Variants in TTBK2 observed in about 807,000 individuals in gnomAD.
TTBK2 encodes the protein tau-tubulin kinase 2.
A neutral mutation model predicts 110.8 loss-of-function variants in TTBK2; 28 were observed. The ratio of observed to expected loss-of-function variants is 0.25; its 90% confidence interval spans 0.19 to 0.35. The LOEUF is 0.35. Among genes scored for constraint, TTBK2 ranks in the 10% least tolerant of loss-of-function variants. The pLI, the probability that TTBK2 is intolerant of heterozygous loss-of-function variation, is 1.00. For synonymous variants in TTBK2, 532 were observed against 527.3 expected (o/e 1.01, Z -0.12); for missense variants, 1,369 against 1,500.3 (o/e 0.91, Z 1.45).
chr15:42,853,144 C>T (rs920398824), intron 3 of TTBK2, among the ~76,000 whole-genome samples: 6 of 152,170 alleles, frequency 3.9e-5, no homozygotes, highest in African/African-American at 1.4e-4. Context: ...AGAACAGGTG[C>T]AGTTCCTCTC....
chr15:42,759,280 G>A (rs1442875099), intron 13 of TTBK2, among the ~76,000 whole-genome samples: 1 of 152,214 alleles, frequency 6.6e-6, no homozygotes, highest in African/African-American at 2.4e-5. Flanking sequence ...AACCCCTGAG[G>A]AGCTGACCCA....
At chr15:42,771,619 G>C (rs1889682649) in intron 13 of TTBK2, among the ~76,000 whole-genome samples, 1 of 152,206 alleles carries the variant, frequency 6.6e-6, no homozygotes, top group Non-Finnish European at 1.5e-5. Context: ...GGTATTGGTA[G>C]TCCTGTAAAT....
chr15:42,759,434 G>A (rs2061992596), intron 13 of TTBK2, among the ~76,000 whole-genome samples: 1 of 152,194 alleles, frequency 6.6e-6, no homozygotes, highest in Admixed American at 6.5e-5. Flanking sequence ...CCTGGCAGGT[G>A]TGCCTCCCAG....
chr15:42,850,302 C>A (rs1893645916), intron 3 of TTBK2, among the ~76,000 whole-genome samples: 1 of 152,202 alleles, frequency 6.6e-6, no homozygotes, highest in Non-Finnish European at 1.5e-5. Context: ...TCTCTCGACG[C>A]ATTTTCTGTC....
intron 3 of TTBK2, among the ~76,000 whole-genome samples, chr15:42,868,512 C>A (rs1894475605): frequency 6.6e-6 from 1 of 151,970 alleles, no homozygotes; most frequent in Non-Finnish European, 1.5e-5. Flanking sequence ...CCTAAAACTG[C>A]TCTTTTTAAA....
intron 9 of TTBK2, chr15:42,801,717 G>T (rs368084096): frequency 2.3e-6 from 2 of 865,264 alleles, no homozygotes; most frequent in Non-Finnish European, 4.0e-6. Context: ...TGCAGCTCCC[G>T]ATCTCCTCTT....
intron 3 of TTBK2, among the ~76,000 whole-genome samples, chr15:42,845,828 A>T (rs1289832222): frequency 1.3e-5 from 2 of 152,088 alleles, no homozygotes. Flanking sequence ...AGCCTACTAC[A>T]TGCCTAGGCC....
chr15:42,899,575 C>T (rs982932725), intron 1 of TTBK2, among the ~76,000 whole-genome samples: 10 of 151,998 alleles, frequency 6.6e-5, no homozygotes, highest in Admixed American at 6.6e-4. Flanking sequence ...CCTGTCTCTA[C>T]TAAAATACAA....
intron 1 of TTBK2, among the ~76,000 whole-genome samples, chr15:42,880,097 T>C (rs66530524): frequency 0.14 from 21,776 of 151,984 alleles, 1,659 homozygotes; most frequent in African/African-American, 0.2. Context: ...GTTTTGATTT[T>C]TGAACCATGT....
intron 4 of TTBK2, among the ~76,000 whole-genome samples, chr15:42,831,725 G>C (rs1446148257): frequency 6.6e-6 from 1 of 152,134 alleles, no homozygotes; most frequent in East Asian, 1.9e-4. Flanking sequence ...GCTCCACCAA[G>C]GTTCCTTGCT....
chr15:42,763,179 T>TATATAC (rs1567009000), intron 13 of TTBK2, among the ~76,000 whole-genome samples: 49 of 22,358 alleles, frequency 2.2e-3, no homozygotes, highest in Non-Finnish European at 2.1e-3. Context: ...TATATATATA[T>TATATAC]ATATATATAT....
At position 42,742,207 on chromosome 15, in the gene TTBK2, T is replaced by A. The variant is rs536829953; in HGVS notation, c.*3588A>T. On this transcript the variant is annotated 3_prime_UTR_variant, in exon 15 of 15. Transcript: ENST00000267890. ...AGTAATGTCTACAGTGGGTCTCAGT[T>A]ACCATTTGGCTACTTATTTAGGACT... The A allele has an allele frequency of 3.9e-5, 6 of 152,318 alleles. No homozygotes were observed. The East Asian group carries it at 1.2e-3, about 29-fold the overall frequency. 9.4% of individuals were successfully genotyped at this position (152,318 alleles called of 1,614,324 possible).
At chr15:42,919,280 AT>A (rs1036948747) in intron 1 of TTBK2, among the ~76,000 whole-genome samples, 2 of 37,384 alleles carry the variant, frequency 5.3e-5, no homozygotes, top group South Asian at 1.2e-3. Context: ...CTGCTTCTTT[AT>A]TTAAAAAAAA....
chr15:42,775,013 T>A, intron 13 of TTBK2, 122 bp downstream of exon 13: 1 of 1,001,040 alleles, frequency 1.0e-6, no homozygotes, highest in East Asian at 2.4e-5. Context: ...ACAAAATCAC[T>A]CCCTGGGCCA....
At chr15:42,903,260 A>C (rs1457114208) in intron 1 of TTBK2, among the ~76,000 whole-genome samples, 1 of 152,214 alleles carries the variant, frequency 6.6e-6, no homozygotes, top group Non-Finnish European at 1.5e-5. Context: ...ATGGTTACCA[A>C]GGGCCATGGT....
At chr15:42,815,958 A>AAAAAAATATATATATATAT (rs71108183) in intron 7 of TTBK2, among the ~76,000 whole-genome samples, 27 of 91,716 alleles carry the variant, frequency 2.9e-4, no homozygotes, top group Admixed American at 1.1e-3. Flanking sequence ...TTAAAAAAAA[A>AAAAAAATATATATATATAT]ATATATATAT....
At chr15:42,905,280 T>C (rs2030316163) in intron 1 of TTBK2, among the ~76,000 whole-genome samples, 1 of 152,158 alleles carries the variant, frequency 6.6e-6, no homozygotes, top group Non-Finnish European at 1.5e-5. Context: ...GGGAAGTTTT[T>C]TGTTTTGTTT....
intron 4 of TTBK2, among the ~76,000 whole-genome samples, chr15:42,836,043 T>C (rs193213220): frequency 6.6e-6 from 1 of 152,308 alleles, no homozygotes; most frequent in Admixed American, 6.5e-5. Context: ...CTGTAGTTGA[T>C]GTACTTATCA....
At chr15:42,858,303 A>G (rs1404517476) in intron 3 of TTBK2, among the ~76,000 whole-genome samples, 1 of 152,200 alleles carries the variant, frequency 6.6e-6, no homozygotes, top group Non-Finnish European at 1.5e-5. Context: ...TTACAAAAAC[A>G]AAGGAGCCCC....
Sources: gnomAD v4.1 joint callset for allele counts (sites outside exome capture counted in the v4.1 genomes callset) on GRCh38, gnomAD v4.1.1 for gene constraint, MANE v1.5 for transcripts, NCBI Gene and HGNC (gene_info 2026-07-23, HGNC 2026-07-21) for gene names.